The following ARNT2 variants were observed in gnomAD, a reference collection of about 807,000 sequenced individuals.
ARNT2 encodes the protein aryl hydrocarbon receptor nuclear translocator 2.
A neutral mutation model predicts 91.7 loss-of-function variants in ARNT2; 36 were observed. That is an observed-to-expected ratio of 0.39 (90% CI 0.30 to 0.52). ARNT2 has a LOEUF of 0.52. Among genes scored for constraint, ARNT2 ranks in the 20% least tolerant of loss-of-function variants. The pLI is 0.72. For missense variants in ARNT2, 775 were observed against 939.3 expected, an observed-to-expected ratio of 0.83 and a Z score of 2.29; for synonymous variants, 365 against 347.1, an observed-to-expected ratio of 1.05 and a Z score of -0.57.
chr15:80,494,595 G>C (rs1289894901), intron 5 of ARNT2, among the ~76,000 whole-genome samples: 3 of 152,208 alleles, frequency 2.0e-5, no homozygotes, highest in African/African-American at 7.2e-5. Context: ...CCGGCCATGG[G>C]AGGACTGTGG....
chr15:80,524,616 C>T lies in ARNT2; in HGVS notation c.877+10211C>T, dbSNP rs573597559. ...TGCTGGCCGGGCGCAGTGGCTCACA[C>T]CTGTAATCCTAGCACTTTGGGAGGC... On this transcript the variant is annotated intron_variant, in intron 8 of 18. Transcript: ENST00000303329. 5.3e-5 allele frequency among the ~76,000 whole-genome samples: 8 copies of T among 152,274 alleles called. No homozygotes were observed. In the South Asian group the frequency reaches 1.7e-3, roughly 32 times the overall value.
At chr15:80,569,927 A>G (rs1898555938) in intron 12 of ARNT2, among the ~76,000 whole-genome samples, 1 of 152,268 alleles carries the variant, frequency 6.6e-6, no homozygotes, top group Admixed American at 6.5e-5. Flanking sequence ...GGCCTGGGCC[A>G]GAGAATGGTT....
At chr15:80,497,741 G>T (rs954558605) in intron 5 of ARNT2, among the ~76,000 whole-genome samples, 1 of 150,912 alleles carries the variant, frequency 6.6e-6, no homozygotes, top group Non-Finnish European at 1.5e-5. Flanking sequence ...GATTTGAAAT[G>T]GTAGAGCAGT....
chr15:80,475,208 G>A lies in ARNT2; in HGVS notation c.607G>A (p.Glu203Lys). 1 of 1,614,046 alleles carries A rather than the reference G, an allele frequency of 6.2e-7. No homozygotes were observed. Among genetic ancestry groups the A allele is most frequent in the Non-Finnish European group, 8.5e-7 (1 of 1,180,036 alleles). ...GCTGAGAGAGCAACTGTGCACCTCA[G>A]AAAACTCAATGACAGGTCAGTGGAG... ...EKLREQLCTS[E>K]NSMTGRILDL... The change falls in exon 5 of 19, where the codon GAA (glutamate) becomes AAA (lysine). Residue 203 changes from glutamate (E) to lysine (K), a missense_variant. Coordinates refer to ENST00000303329, the MANE Select transcript of ARNT2 (RefSeq NM_014862.4).
chr15:80,456,801 T>C (rs2141384611), intron 2 of ARNT2, among the ~76,000 whole-genome samples: 1 of 152,334 alleles, frequency 6.6e-6, no homozygotes, highest in African/African-American at 2.4e-5. Context: ...CTCTAGAATC[T>C]GTAGCAGTGG....
chr15:80,404,564 C>A lies in ARNT2; in HGVS notation c.31+18C>A. ...CCCTCCGGGTGAGTAGCGGCCTGGGCCCCGCCGCCCGCCGCAGCCCGCAGG... is the reference window on the plus strand; with the variant it reads ...CCCTCCGGGTGAGTAGCGGCCTGGGACCCGCCGCCCGCCGCAGCCCGCAGG... On this transcript the variant is annotated intron_variant, in intron 1 of 18. Transcript: ENST00000303329. This position sits in a 1 kb window ranked among gnomAD's most constrained non-coding sequence, Gnocchi z 5.5. 1 of 1,103,092 alleles carries A rather than the reference C, an allele frequency of 9.1e-7. No individual in the cohort carries two copies. The highest frequency in any genetic ancestry group is 2.6e-5 in the South Asian group (1 of 38,098). 68.3% of individuals were successfully genotyped at this position (1,103,092 alleles called of 1,614,324 possible). A position where few individuals can be genotyped will look rare whatever the true frequency, so the allele number is the denominator to read the frequency against.
At position 80,523,221 on chromosome 15, in the gene ARNT2, C is replaced by A. The variant is rs544054992; in HGVS notation, c.877+8816C>A. Among the ~76,000 whole-genome samples the A allele has an allele frequency of 3.9e-5, 6 of 152,284 alleles. No homozygotes were observed. In the South Asian group the frequency reaches 1.2e-3, roughly 32 times the overall value. On this transcript the variant is annotated intron_variant, in intron 8 of 18. Transcript: ENST00000303329. ...GAAATTAAGAGTAAAGGGATGTGGA[C>A]CACTGGAAGGGAGATTTCCGAGAGT...
chr15:80,590,455 C>G (rs1893256869), intron 17 of ARNT2, among the ~76,000 whole-genome samples: 1 of 152,208 alleles, frequency 6.6e-6, no homozygotes, highest in Non-Finnish European at 1.5e-5. Context: ...CAAAAAACCA[C>G]TTACTGGATA....
chr15:80,411,429 A>G (rs942584733), intron 1 of ARNT2, among the ~76,000 whole-genome samples: 1 of 151,914 alleles, frequency 6.6e-6, no homozygotes, highest in Non-Finnish European at 1.5e-5. Flanking sequence ...CCTTTCAATG[A>G]CTCCCTTGAA....
chr15:80,574,065 T>G lies in ARNT2; in HGVS notation c.1317-83T>G, dbSNP rs1231029780. 5.3e-6 allele frequency: 6 copies of G among 1,130,512 alleles called. No homozygotes were observed. In the African/African-American group the frequency reaches 7.6e-5, roughly 14 times the overall value. The allele number at this position is 1,130,512 out of a possible 1,614,324, so 70.0% of individuals were successfully genotyped here. On this transcript the variant is annotated intron_variant, in intron 12 of 18. Coordinates refer to ENST00000303329, the MANE Select transcript of ARNT2 (RefSeq NM_014862.4). ...CATCGGATATCACCCACTCTGCCTC[T>G]GAGGTATGGGAAAAGTCCTGGCTTA...
chr15:80,435,356 G>A (rs1269558269), intron 1 of ARNT2, among the ~76,000 whole-genome samples: 1 of 152,150 alleles, frequency 6.6e-6, no homozygotes, highest in Non-Finnish European at 1.5e-5. Flanking sequence ...CCAGGATTGC[G>A]GGCATAGTAA....
At chr15:80,544,718 A>G (rs1401168358) in intron 8 of ARNT2, among the ~76,000 whole-genome samples, 2 of 152,224 alleles carry the variant, frequency 1.3e-5, no homozygotes, top group East Asian at 3.8e-4. Context: ...CTGTGGGCAC[A>G]TTTTAGGGAA....
At chr15:80,409,177 T>C (rs1895647852) in intron 1 of ARNT2, among the ~76,000 whole-genome samples, 1 of 152,240 alleles carries the variant, frequency 6.6e-6, no homozygotes. Flanking sequence ...TCTACCGTTA[T>C]AATATCATGC....
Position 80,475,155 on chromosome 15 carries a change from A to G in ARNT2, c.554A>G (p.Glu185Gly). 3.1e-6 allele frequency: 5 copies of G among 1,614,192 alleles called. No homozygotes were observed. Among genetic ancestry groups the G allele is most frequent in the Non-Finnish European group, 4.2e-6 (5 of 1,180,040 alleles). Residue 185 changes from glutamate to glycine, a missense_variant, in exon 5 of 19, where the codon GAA becomes GGA. Coordinates refer to ENST00000303329, the MANE Select transcript of ARNT2 (RefSeq NM_014862.4). ...GAGTGGTTTGGGAGCACACTGTATGAACAGGTGCATCCTGATGACGTGGAG... is the reference window on the plus strand; with the variant it reads ...GAGTGGTTTGGGAGCACACTGTATGGACAGGTGCATCCTGATGACGTGGAG... ...QSEWFGSTLY[E>G]QVHPDDVEKL...
intron 5 of ARNT2, among the ~76,000 whole-genome samples, chr15:80,490,288 G>C (rs1897036953): frequency 6.6e-6 from 1 of 152,180 alleles, no homozygotes. Context: ...CCCTCTTTGA[G>C]GCAAATAAGT....
chr15:80,578,653 T>C (rs1329591509), intron 15 of ARNT2, among the ~76,000 whole-genome samples: 2 of 151,628 alleles, frequency 1.3e-5, no homozygotes, highest in Admixed American at 6.6e-5. Context: ...AGGGCAGTGA[T>C]GAGTGATGGG....
At chr15:80,511,292 C>T (rs1174748411) in intron 6 of ARNT2, among the ~76,000 whole-genome samples, 2 of 152,062 alleles carry the variant, frequency 1.3e-5, no homozygotes, top group African/African-American at 4.8e-5. Context: ...AACCAAATAC[C>T]GCATATTCTC....
At position 80,404,554 on chromosome 15, in the gene ARNT2, G is replaced by A. The variant is rs572066339; in HGVS notation, c.31+8G>A. On this transcript the variant is annotated splice_region_variant and intron_variant, in intron 1 of 18. Transcript: ENST00000303329. The surrounding 1 kb of genome is among the most constrained non-coding windows in gnomAD (Gnocchi z 5.5). The stretch of plus-strand genomic sequence containing the variant: ...CGGCGGTCAACCCTCCGGGTGAGTA[G>A]CGGCCTGGGCCCCGCCGCCCGCCGC... The A allele has an allele frequency of 4.1e-5, 47 of 1,145,314 alleles. No individual in the cohort carries two copies. In the South Asian group the frequency reaches 9.9e-4, roughly 24 times the overall value. 70.9% of individuals were successfully genotyped at this position (1,145,314 alleles called of 1,614,324 possible).
At chr15:80,472,790 T>G (rs1285317986) in intron 4 of ARNT2, among the ~76,000 whole-genome samples, 1 of 152,176 alleles carries the variant, frequency 6.6e-6, no homozygotes, top group African/African-American at 2.4e-5. Context: ...TGAGGTATAA[T>G]GAAGGGTAAA....
Sources: allele counts gnomAD v4.1 joint callset (sites outside exome capture counted in the v4.1 genomes callset), GRCh38; gene constraint gnomAD v4.1.1; non-coding constraint Gnocchi (gnomAD v3.1); transcripts MANE v1.5; gene names NCBI Gene and HGNC (gene_info 2026-07-23, HGNC 2026-07-21).